UBE2E2: variants seen among roughly 807,000 people sequenced by gnomAD.
UBE2E2 encodes ubiquitin conjugating enzyme E2 E2.
Under a neutral mutation model 24.7 loss-of-function variants are expected in UBE2E2, and 6 were observed. That is an observed-to-expected ratio of 0.24 (90% CI 0.13 to 0.48). The LOEUF is 0.48. Ranked by LOEUF, UBE2E2 falls within the 20% of genes least tolerant of loss-of-function variation. The pLI is 0.99. For missense variants in UBE2E2, 169 were observed against 245.0 expected (o/e 0.69, Z 2.07); for synonymous variants, 104 against 83.6 (o/e 1.24, Z -1.33).
intron 3 of UBE2E2, among the ~76,000 whole-genome samples, chr3:23,225,882 T>C (rs77845246): frequency 2.0e-5 from 3 of 151,840 alleles, no homozygotes; most frequent in Non-Finnish European, 4.4e-5. Flanking sequence ...TGTTTTTTTT[T>C]TTTGTTTTTG....
intron 1 of UBE2E2, chr3:23,204,538 A>T (rs936560641): frequency 1.1e-4 from 26 of 240,644 alleles, no homozygotes; most frequent in African/African-American, 5.8e-4. Flanking sequence ...TAGATATGTG[A>T]TAATTCAGTC....
At chr3:23,433,422 A>G (rs576987943) in intron 3 of UBE2E2, among the ~76,000 whole-genome samples, 191 of 152,084 alleles carry the variant, frequency 1.3e-3, no homozygotes, top group Non-Finnish European at 2.1e-3. Flanking sequence ...GTTTTAATGA[A>G]GTGTTTTAAT....
intron 3 of UBE2E2, among the ~76,000 whole-genome samples, chr3:23,432,923 C>G (rs1698096908): frequency 6.6e-6 from 1 of 151,692 alleles, no homozygotes; most frequent in African/African-American, 2.4e-5. Flanking sequence ...AGAATAGACA[C>G]TTCGATATCA....
chr3:23,265,726 G>C (rs4327331), intron 3 of UBE2E2, among the ~76,000 whole-genome samples: 25,797 of 152,054 alleles, frequency 0.17, 2,437 homozygotes, highest in Non-Finnish European at 0.21. Context: ...TTGGAGGTCT[G>C]TCTAATGTTG....
intron 3 of UBE2E2, among the ~76,000 whole-genome samples, chr3:23,396,706 TA>T (rs1697087013): frequency 6.6e-6 from 1 of 152,176 alleles, no homozygotes; most frequent in Non-Finnish European, 1.5e-5. Context: ...ATAATAATAG[TA>T]ACTTCTTCAT....
At chr3:23,390,115 A>G (rs931675932) in intron 3 of UBE2E2, among the ~76,000 whole-genome samples, 6 of 152,086 alleles carry the variant, frequency 3.9e-5, no homozygotes, top group African/African-American at 7.2e-5. Flanking sequence ...CTGAACTAGT[A>G]TTGATGTGGA....
chr3:23,329,857 A>G (rs866663083), intron 3 of UBE2E2, among the ~76,000 whole-genome samples: 4 of 152,202 alleles, frequency 2.6e-5, no homozygotes, highest in Non-Finnish European at 5.9e-5. Context: ...TTCCCTTTTA[A>G]AATATTTTAG....
chr3:23,380,793 G>A (rs1382226159), intron 3 of UBE2E2, among the ~76,000 whole-genome samples: 2 of 152,216 alleles, frequency 1.3e-5, no homozygotes, highest in African/African-American at 4.8e-5. Flanking sequence ...TGTATTTCAG[G>A]TACAGTGTAG....
intron 3 of UBE2E2, among the ~76,000 whole-genome samples, chr3:23,403,021 C>G (rs1205628192): frequency 4.6e-5 from 7 of 152,092 alleles, no homozygotes; most frequent in Non-Finnish European, 8.8e-5. Flanking sequence ...TTGAGTGCTG[C>G]TTTTAGAAAC....
At chr3:23,274,361 A>T (rs994035417) in intron 3 of UBE2E2, among the ~76,000 whole-genome samples, 1 of 151,032 alleles carries the variant, frequency 6.6e-6, no homozygotes, top group Non-Finnish European at 1.5e-5. Context: ...TCTTTCTGTT[A>T]TATGAACAGA....
At chr3:23,340,833 C>T (rs534315749) in intron 3 of UBE2E2, among the ~76,000 whole-genome samples, 3 of 152,208 alleles carry the variant, frequency 2.0e-5, no homozygotes, top group South Asian at 2.1e-4. Context: ...TCTTTAAAGT[C>T]GGTATATAAA....
chr3:23,287,554 G>A (rs1038626491), intron 3 of UBE2E2, among the ~76,000 whole-genome samples: 1 of 151,920 alleles, frequency 6.6e-6, no homozygotes, highest in African/African-American at 2.4e-5. Context: ...AGGTTCTGGG[G>A]TTTTCTTTGC....
chr3:23,247,458 G>T (rs182277929), intron 3 of UBE2E2, among the ~76,000 whole-genome samples: 2 of 151,430 alleles, frequency 1.3e-5, no homozygotes, highest in Non-Finnish European at 2.9e-5. Context: ...GCGTACAAGC[G>T]ATTCTCCTGC....
chr3:23,287,159 A>C (rs1005827713), intron 3 of UBE2E2, among the ~76,000 whole-genome samples: 2 of 152,062 alleles, frequency 1.3e-5, no homozygotes, highest in Non-Finnish European at 2.9e-5. Flanking sequence ...AATTTTATCA[A>C]ATGCTTTTTC....
chr3:23,293,243 C>T (rs951817619), intron 3 of UBE2E2, among the ~76,000 whole-genome samples: 8 of 152,168 alleles, frequency 5.3e-5, no homozygotes, highest in Non-Finnish European at 1.0e-4. Context: ...ACCCCTACCC[C>T]AATTCTGTTT....
At chr3:23,503,148 G>A (rs542934587) in intron 4 of UBE2E2, among the ~76,000 whole-genome samples, 2 of 151,102 alleles carry the variant, frequency 1.3e-5, no homozygotes, top group East Asian at 1.9e-4. Context: ...TTTGTTTTTT[G>A]GGGTTTTTTT....
At chr3:23,318,533 C>T (rs7638405) in intron 3 of UBE2E2, among the ~76,000 whole-genome samples, 49,654 of 152,022 alleles carry the variant, frequency 0.33, 8,336 homozygotes, top group South Asian at 0.37. Context: ...GTTTAATGGA[C>T]TCACAGTTCC....
At chr3:23,234,331 T>C (rs1376068203) in intron 3 of UBE2E2, among the ~76,000 whole-genome samples, 1 of 152,110 alleles carries the variant, frequency 6.6e-6, no homozygotes, top group African/African-American at 2.4e-5. Context: ...GACTGGACTT[T>C]AGAGATTTTG....
chr3:23,255,445 C>T (rs1001549051), intron 3 of UBE2E2, among the ~76,000 whole-genome samples: 8 of 151,932 alleles, frequency 5.3e-5, no homozygotes, highest in Admixed American at 3.9e-4. Flanking sequence ...CTTAAAATAA[C>T]GCAGTGTAGA....
Sources: allele counts gnomAD v4.1 joint callset (sites outside exome capture counted in the v4.1 genomes callset), GRCh38; gene constraint gnomAD v4.1.1; transcripts MANE v1.5; gene names NCBI Gene and HGNC (gene_info 2026-07-23, HGNC 2026-07-21).